The following MARCHF1 variants were observed in gnomAD, a reference collection of about 807,000 sequenced individuals.
MARCHF1 encodes the protein E3 ubiquitin-protein ligase MARCHF1.
Under a neutral mutation model 54.2 loss-of-function variants are expected in MARCHF1, and 40 were observed. The ratio of observed to expected loss-of-function variants is 0.74; its 90% CI spans 0.57 to 0.96. The LOEUF (loss-of-function observed/expected upper bound fraction) is 0.96, where lower values mean the gene tolerates loss of function less well. Among genes scored for constraint, MARCHF1 ranks in the 40% least tolerant of loss-of-function variants. The pLI is 0.00. For missense variants in MARCHF1, 586 were observed against 656.5 expected (o/e 0.89, Z 1.17); for synonymous variants, 236 against 236.3 (o/e 1.00, Z 0.01).
At chr4:164,190,844 T>G (rs1011933963) in intron 1 of MARCHF1, among the ~76,000 whole-genome samples, 2 of 152,216 alleles carry the variant, frequency 1.3e-5, no homozygotes, top group African/African-American at 4.8e-5. Context: ...TCAGACTTTT[T>G]AGGGCAGAGG....
intron 1 of MARCHF1, among the ~76,000 whole-genome samples, chr4:164,161,959 ATT>A (rs1352511593): frequency 6.6e-6 from 1 of 152,148 alleles, no homozygotes; most frequent in African/African-American, 2.4e-5. Context: ...TTATTCCAGG[ATT>A]TAGAAAATTC....
intron 3 of MARCHF1, among the ~76,000 whole-genome samples, chr4:163,876,220 T>C (rs1239724499): frequency 6.6e-6 from 1 of 152,142 alleles, no homozygotes; most frequent in Non-Finnish European, 1.5e-5. Flanking sequence ...CACCTCAATA[T>C]ACTGCACAAC....
intron 3 of MARCHF1, among the ~76,000 whole-genome samples, chr4:163,976,857 A>G (rs1752658048): frequency 6.6e-6 from 1 of 152,174 alleles, no homozygotes; most frequent in African/African-American, 2.4e-5. Flanking sequence ...AGTGCATTTC[A>G]GTCACCAGTC....
intron 5 of MARCHF1, among the ~76,000 whole-genome samples, chr4:163,634,336 TG>T (rs1161429834): frequency 2.7e-5 from 4 of 150,520 alleles, no homozygotes; most frequent in Non-Finnish European, 5.9e-5. Context: ...ATCAGTGTGC[TG>T]TATTCAGGAA....
intron 2 of MARCHF1, among the ~76,000 whole-genome samples, chr4:164,002,970 C>T (rs1222616728): frequency 2.0e-5 from 3 of 151,434 alleles, no homozygotes; most frequent in Admixed American, 6.6e-5. Context: ...TATTAACACA[C>T]GTAATAATAG....
rs988994025 is a variant in MARCHF1 at position 163,923,484 on chromosome 4, T to G, written c.-39+65017A>C. On this transcript the variant is annotated intron_variant, in intron 3 of 9. Coordinates refer to ENST00000514618, the MANE Select transcript of MARCHF1 (RefSeq NM_001394959.1). ...TATAAAGTAGTTCTTTTAAGATTTC[T>G]TATGAAAAATTGCCCAAGCTGAGCA... 2.0e-5 allele frequency among the ~76,000 whole-genome samples: 3 copies of G among 152,082 alleles called. No homozygotes were observed. The East Asian group carries it at 5.8e-4, about 29-fold the overall frequency.
chr4:163,545,672 C>T lies in MARCHF1; in HGVS notation c.1263G>A (p.Ala421=), dbSNP rs13130399. The T allele has an allele frequency of 0.45, 731,436 of 1,612,686 alleles. 170,082 individuals carry two copies. The highest frequency in any genetic ancestry group is 0.62 in the Admixed American group (37,251 of 59,900). The part of the protein sequence containing the change: ...IFCSVTFHVI[A]ITCVVWSLYV... ...ACAAAGACCAAACCACACAGGTGAT[C>T]GCGATTACGTGGAATGTGACAGAGC... The change falls in exon 9 of 10, where the codon GCG becomes GCA. Residue 421 remains alanine, a synonymous_variant. Transcript: ENST00000514618.
chr4:164,085,685 G>A (rs1027089102), intron 2 of MARCHF1, among the ~76,000 whole-genome samples: 6 of 151,712 alleles, frequency 4.0e-5, no homozygotes, highest in Non-Finnish European at 7.4e-5. Context: ...CATGGTTATC[G>A]CAAATAAAAC....
chr4:164,262,402 G>T (rs74938709), intron 1 of MARCHF1, among the ~76,000 whole-genome samples: 5,595 of 152,170 alleles, frequency 0.037, 134 homozygotes, highest in East Asian at 0.11. Flanking sequence ...ACATCTAGTA[G>T]AGATGAGGTC....
At chr4:163,981,439 C>A (rs981209860) in intron 3 of MARCHF1, among the ~76,000 whole-genome samples, 4 of 152,172 alleles carry the variant, frequency 2.6e-5, no homozygotes, top group African/African-American at 7.2e-5. Flanking sequence ...AGAGCAGAAT[C>A]CTATCACCAG....
chr4:163,707,908 C>A (rs1744996480), intron 4 of MARCHF1, among the ~76,000 whole-genome samples: 1 of 151,450 alleles, frequency 6.6e-6, no homozygotes, highest in African/African-American at 2.4e-5. Flanking sequence ...CTACAAACTA[C>A]TTTTCTGTTG....
chr4:163,658,165 G>T (rs1290918153), intron 5 of MARCHF1, among the ~76,000 whole-genome samples: 2 of 151,820 alleles, frequency 1.3e-5, no homozygotes, highest in African/African-American at 4.8e-5. Flanking sequence ...TCTGACAAAG[G>T]TCTAATAGCC....
chr4:164,164,741 G>T (rs1453543068), intron 1 of MARCHF1, among the ~76,000 whole-genome samples: 3 of 151,980 alleles, frequency 2.0e-5, no homozygotes, highest in Non-Finnish European at 2.9e-5. Flanking sequence ...AACAATCAAG[G>T]CTTTGAACGC....
chr4:163,942,341 T>C (rs1244979763), intron 3 of MARCHF1, among the ~76,000 whole-genome samples: 1 of 152,192 alleles, frequency 6.6e-6, no homozygotes, highest in Non-Finnish European at 1.5e-5. Flanking sequence ...CATACCCTTC[T>C]GGGTAAGAGC....
intron 4 of MARCHF1, among the ~76,000 whole-genome samples, chr4:163,800,424 T>C (rs892974662): frequency 6.6e-6 from 1 of 151,994 alleles, no homozygotes; most frequent in Non-Finnish European, 1.5e-5. Context: ...TTTGCTACTT[T>C]ATGATATTAA....
chr4:164,208,028 T>C (rs1579624226), intron 1 of MARCHF1, among the ~76,000 whole-genome samples: 1 of 151,986 alleles, frequency 6.6e-6, no homozygotes, highest in Non-Finnish European at 1.5e-5. Context: ...AAGTAGAGCT[T>C]TCATGATAGG....
rs554029703 is a variant in MARCHF1, at chr4:163,767,692, T to C, written c.112-66829A>G. On this transcript the variant is annotated intron_variant, in intron 4 of 9. Transcript: ENST00000514618. ...AAGTTGATGCTGGCTTTTTCCGCCT[T>C]ATGTTCTGATCTACCCTCATCTGTA... Among the ~76,000 whole-genome samples, 6 of 152,258 alleles carry C rather than the reference T, an allele frequency of 3.9e-5. No homozygotes were observed. The South Asian group carries it at 1.0e-3, about 26-fold the overall frequency.
At chr4:163,877,178 T>C (rs758164324) in intron 3 of MARCHF1, among the ~76,000 whole-genome samples, 2 of 152,212 alleles carry the variant, frequency 1.3e-5, no homozygotes, top group Non-Finnish European at 1.5e-5. Context: ...TTCTTTGATC[T>C]GTTATCACTT....
At chr4:163,816,371 A>G (rs1289287219) in intron 4 of MARCHF1, among the ~76,000 whole-genome samples, 1 of 69,758 alleles carries the variant, frequency 1.4e-5, no homozygotes, top group Non-Finnish European at 3.4e-5. Flanking sequence ...GTGAAATAGT[A>G]CCTTCTGGTG....
Sources: gnomAD v4.1 joint callset for allele counts (sites outside exome capture counted in the v4.1 genomes callset) on GRCh38, gnomAD v4.1.1 for gene constraint, MANE v1.5 for transcripts, NCBI Gene and HGNC (gene_info 2026-07-23, HGNC 2026-07-21) for gene names.